The following INPP5A variants were observed in gnomAD, a reference collection of about 807,000 sequenced individuals.
The protein encoded by INPP5A is 43 kDa inositol polyphosphate 5-phophatase.
A neutral mutation model predicts 65.2 loss-of-function variants in INPP5A; 14 were observed. The ratio of observed to expected loss-of-function variants is 0.21; its 90% confidence interval spans 0.14 to 0.34. The LOEUF (loss-of-function observed/expected upper bound fraction) is 0.34, where lower values mean the gene tolerates loss of function less well. Among genes scored for constraint, INPP5A ranks in the 10% least tolerant of loss-of-function variants. The pLI is 1.00. For missense variants in INPP5A, 431 were observed against 545.6 expected, an observed-to-expected ratio of 0.79 and a Z score of 2.09; for synonymous variants, 207 against 208.3, an observed-to-expected ratio of 0.99 and a Z score of 0.05.
chr10:132,647,968 A>C (rs947813211), intron 3 of INPP5A, among the ~76,000 whole-genome samples: 2 of 152,254 alleles, frequency 1.3e-5, no homozygotes, highest in Non-Finnish European at 2.9e-5. Context: ...AGGCTGAAAA[A>C]TGTGGCCATG....
chr10:132,671,334 C>T (rs935507433), intron 4 of INPP5A, among the ~76,000 whole-genome samples: 6 of 146,846 alleles, frequency 4.1e-5, no homozygotes, highest in Admixed American at 2.9e-4. Flanking sequence ...CTCCCTGCTT[C>T]GGACTCCGCC....
At chr10:132,669,504 G>A (rs539740220) in intron 4 of INPP5A, among the ~76,000 whole-genome samples, 1 of 152,320 alleles carries the variant, frequency 6.6e-6, no homozygotes, top group Non-Finnish European at 1.5e-5. Flanking sequence ...CAAGTGACAG[G>A]GCAGAAACAG....
At chr10:132,654,861 G>T (rs999827583) in intron 4 of INPP5A, among the ~76,000 whole-genome samples, 12 of 152,254 alleles carry the variant, frequency 7.9e-5, no homozygotes, top group African/African-American at 2.7e-4. Context: ...CGGCTGAGGG[G>T]CTTTGAGCGA....
At chr10:132,568,845 A>G (rs758635512) in intron 1 of INPP5A, among the ~76,000 whole-genome samples, 9 of 152,014 alleles carry the variant, frequency 5.9e-5, no homozygotes, top group South Asian at 2.1e-4. Context: ...TGTCAAAACT[A>G]TGTAAGTTTA....
intron 11 of INPP5A, among the ~76,000 whole-genome samples, chr10:132,754,703 A>G (rs1470429422): frequency 1.3e-5 from 2 of 152,254 alleles, no homozygotes; most frequent in Admixed American, 6.5e-5. Flanking sequence ...ACCACCACCC[A>G]GGCAGGATGC....
chr10:132,567,185 G>A (rs913877217), intron 1 of INPP5A, among the ~76,000 whole-genome samples: 1 of 152,228 alleles, frequency 6.6e-6, no homozygotes, highest in Admixed American at 6.5e-5. Context: ...CTGTGCAGGT[G>A]ACACCGTCCT....
At chr10:132,639,917 ATT>A (rs1016651057) in intron 2 of INPP5A, among the ~76,000 whole-genome samples, 15 of 151,926 alleles carry the variant, frequency 9.9e-5, no homozygotes, top group African/African-American at 2.2e-4. Flanking sequence ...TGAAATTTCC[ATT>A]TGTTTCTCCT....
At chr10:132,647,491 A>G (rs899144902) in intron 3 of INPP5A, among the ~76,000 whole-genome samples, 2 of 152,232 alleles carry the variant, frequency 1.3e-5, no homozygotes, top group Admixed American at 1.3e-4. Context: ...TAAAATTGCC[A>G]TATAAGAGCA....
At chr10:132,731,544 C>T (rs1452226768) in intron 9 of INPP5A, among the ~76,000 whole-genome samples, 2 of 152,162 alleles carry the variant, frequency 1.3e-5, no homozygotes, top group African/African-American at 4.8e-5. Flanking sequence ...GTATCAGACG[C>T]AGGTGTTTTC....
chr10:132,743,660 G>A (rs900794814), intron 9 of INPP5A, among the ~76,000 whole-genome samples: 11 of 152,204 alleles, frequency 7.2e-5, no homozygotes, highest in Non-Finnish European at 1.6e-4. Context: ...GTGTGGGGAG[G>A]AAACTTCTGA....
At chr10:132,708,527 C>T (rs752780813) in intron 7 of INPP5A, 162 bp downstream of exon 7, 10 of 782,142 alleles carry the variant, frequency 1.3e-5, no homozygotes, top group South Asian at 2.7e-5. Flanking sequence ...TTTTGGTTCA[C>T]GGCGATGCAT....
At chr10:132,739,198 A>G (rs1846230271) in intron 9 of INPP5A, among the ~76,000 whole-genome samples, 1 of 152,218 alleles carries the variant, frequency 6.6e-6, no homozygotes, top group Admixed American at 6.5e-5. Flanking sequence ...AAGCTAGGAA[A>G]TTGGCACCAT....
At chr10:132,670,149 TCTGA>T (rs1590911521) in intron 4 of INPP5A, among the ~76,000 whole-genome samples, 1 of 98,972 alleles carries the variant, frequency 1.0e-5, no homozygotes, top group South Asian at 3.9e-4. Flanking sequence ...CCCTACACCC[TCTGA>T]CTGCGCACTC....
At chr10:132,657,749 G>A (rs2072677207) in intron 4 of INPP5A, among the ~76,000 whole-genome samples, 1 of 152,258 alleles carries the variant, frequency 6.6e-6, no homozygotes, top group South Asian at 2.1e-4. Flanking sequence ...CAGAGAAGGG[G>A]AAGGAAAGGC....
intron 1 of INPP5A, among the ~76,000 whole-genome samples, chr10:132,554,993 G>A (rs1180332492): frequency 4.0e-5 from 6 of 149,936 alleles, no homozygotes; most frequent in South Asian, 2.1e-4. Context: ...TGTGGGTAGC[G>A]TGGTTGGTCC....
intron 8 of INPP5A, among the ~76,000 whole-genome samples, chr10:132,719,994 C>G (rs1290820527): frequency 3.1e-5 from 4 of 127,298 alleles, no homozygotes; most frequent in East Asian, 2.6e-4. Flanking sequence ...TAGCTGTCTT[C>G]AGGGTTCTGT....
Position 132,756,879 on chromosome 10 carries a change from G to A in INPP5A, c.903+7034G>A, listed in dbSNP as rs139698590. 4.9e-3 allele frequency among the ~76,000 whole-genome samples: 744 copies of A among 152,350 alleles called. 10 individuals are homozygous for A. Among genetic ancestry groups the A allele is most frequent in the Non-Finnish European group, 4.3e-3 (293 of 68,034 alleles). The stretch of plus-strand genomic sequence containing the variant: ...CGCAGAGGCGGCAGAGAGGAACGTC[G>A]ATGATCCTGACCCTGTGCGGGCCTA... On this transcript the variant is annotated intron_variant, in intron 11 of 15. Transcript: ENST00000368594.
intron 1 of INPP5A, among the ~76,000 whole-genome samples, chr10:132,597,589 G>A (rs2071719823): frequency 6.6e-6 from 1 of 152,188 alleles, no homozygotes; most frequent in Non-Finnish European, 1.5e-5. Flanking sequence ...TTACATGTTG[G>A]GGATATGTTT....
chr10:132,674,122 A>G lies in INPP5A; in HGVS notation c.307-16270A>G, dbSNP rs1375716913. On this transcript the variant is annotated intron_variant, in intron 4 of 15. Transcript: ENST00000368594. This position sits in a 1 kb window ranked among gnomAD's most constrained non-coding sequence, Gnocchi z 4.4. ...AAATGCTCCTCTGCTGAGGTCACCC[A>G]TTGGTGAGCACTCACATGCGATACA... is the stretch of plus-strand genomic sequence containing the variant. Among the ~76,000 whole-genome samples the G allele has an allele frequency of 6.6e-6, 1 of 152,232 alleles. No individual in the cohort carries two copies. The highest frequency in any genetic ancestry group is 2.4e-5 in the African/African-American group (1 of 41,458).
Sources: allele counts gnomAD v4.1 joint callset (sites outside exome capture counted in the v4.1 genomes callset), GRCh38; gene constraint gnomAD v4.1.1; non-coding constraint Gnocchi (gnomAD v3.1); transcripts MANE v1.5; gene names NCBI Gene and HGNC (gene_info 2026-07-23, HGNC 2026-07-21).